Variants in MFHAS1 observed in about 807,000 individuals in gnomAD.
The protein encoded by MFHAS1 is multifunctional ROCO family signaling regulator 1.
Under a neutral mutation model 70.4 loss-of-function variants are expected in MFHAS1, and 50 were observed. The ratio of observed to expected loss-of-function variants is 0.71; its 90% confidence interval spans 0.57 to 0.90. The LOEUF is 0.90. Ranked by LOEUF, MFHAS1 falls within the 40% of genes least tolerant of loss-of-function variation. The pLI, the probability that MFHAS1 is intolerant of heterozygous loss-of-function variation, is 0.00. For synonymous variants in MFHAS1, 952 were observed against 620.0 expected (o/e 1.54, Z -7.96); for missense variants, 1,795 against 1,347.6 (o/e 1.33, Z -5.20).
chr8:8,822,754 T>A (rs189319917), intron 1 of MFHAS1, among the ~76,000 whole-genome samples: 1 of 121,026 alleles, frequency 8.3e-6, no homozygotes, highest in Non-Finnish European at 1.7e-5. Flanking sequence ...GGGAACCAAG[T>A]CAGGGGGACT....
intron 1 of MFHAS1, among the ~76,000 whole-genome samples, chr8:8,873,820 T>C (rs749948623): frequency 6.6e-6 from 1 of 152,222 alleles, no homozygotes; most frequent in Non-Finnish European, 1.5e-5. Flanking sequence ...TTATATTTCA[T>C]TGATTTCTTA....
At position 8,891,328 on chromosome 8, in the gene MFHAS1, G is replaced by T; in HGVS notation, c.1731C>A (p.Asp577Glu). ...GCTCGAAGTCCCGGGCCAGTGCCTC[G>T]TCCACCACCTTGGCCAAGCGGCTCA... ...EGLSRLAKVV[D>E]EALARDFELR... Residue 577 changes from aspartate (D) to glutamate (E), a missense_variant, in exon 1 of 3, where the codon GAC (aspartate) becomes GAA (glutamate). Transcript: ENST00000276282. The surrounding 1 kb of genome is among the most constrained non-coding windows in gnomAD (Gnocchi z 5.4). 6.2e-7 allele frequency: 1 copy of T among 1,611,156 alleles called. No individual in the cohort carries two copies.
At chr8:8,866,848 T>G (rs1210588787) in intron 1 of MFHAS1, among the ~76,000 whole-genome samples, 3 of 152,196 alleles carry the variant, frequency 2.0e-5, no homozygotes, top group Non-Finnish European at 4.4e-5. Flanking sequence ...AATCTGAAAA[T>G]AAAATCGTGA....
At chr8:8,878,375 A>G (rs376187196) in intron 1 of MFHAS1, among the ~76,000 whole-genome samples, 1 of 152,102 alleles carries the variant, frequency 6.6e-6, no homozygotes, top group South Asian at 2.1e-4. Context: ...GACAGTAATA[A>G]TACCTACTTC....
chr8:8,890,830 C>A lies in MFHAS1; in HGVS notation c.2229G>T (p.Arg743Ser). ...LIDILNVFFQRDPSLLLHKLL... is the reference protein window; with the variant it reads ...LIDILNVFFQSDPSLLLHKLL... ...GCTTATGCAGCAGCAAAGAGGGATC[C>A]CTCTGGAAGAAGACATTGAGGATGT... The change falls in exon 1 of 3, where the codon AGG (arginine) becomes AGT (serine). Residue 743 changes from arginine (R) to serine (S), a missense_variant. By Grantham distance (110) the Arg-to-Ser change is moderately radical (BLOSUM62 -1). Transcript: ENST00000276282. 1 of 1,614,240 alleles carries A rather than the reference C, an allele frequency of 6.2e-7. No homozygotes were observed. Among genetic ancestry groups the A allele is most frequent in the East Asian group, 2.2e-5 (1 of 44,882 alleles).
intron 1 of MFHAS1, among the ~76,000 whole-genome samples, chr8:8,865,250 C>A (rs1808812338): frequency 1.5e-5 from 2 of 135,632 alleles, no homozygotes; most frequent in Admixed American, 1.7e-4. Flanking sequence ...GCACTCAACC[C>A]TGGATGACAG....
chr8:8,855,990 C>A (rs546978700), intron 1 of MFHAS1, among the ~76,000 whole-genome samples: 34 of 152,332 alleles, frequency 2.2e-4, no homozygotes, highest in African/African-American at 7.9e-4. Flanking sequence ...AAAAGATGCT[C>A]AGTTATTTCA....
At chr8:8,880,191 CA>C (rs1443922652) in intron 1 of MFHAS1, among the ~76,000 whole-genome samples, 1 of 152,172 alleles carries the variant, frequency 6.6e-6, no homozygotes, top group African/African-American at 2.4e-5. Flanking sequence ...GGCCTAGCCC[CA>C]AAACCCCTAC....
intron 1 of MFHAS1, among the ~76,000 whole-genome samples, chr8:8,861,953 G>A (rs1808680356): frequency 6.6e-6 from 1 of 152,180 alleles, no homozygotes; most frequent in African/African-American, 2.4e-5. Context: ...CACCAGACAA[G>A]TTGTTTCCAG....
At chr8:8,837,495 A>T (rs1807641186) in intron 1 of MFHAS1, among the ~76,000 whole-genome samples, 1 of 152,158 alleles carries the variant, frequency 6.6e-6, no homozygotes, top group Non-Finnish European at 1.5e-5. Context: ...TACAAAAATT[A>T]GCCAAGCGTG....
At chr8:8,813,682 T>G (rs1806633641) in intron 1 of MFHAS1, among the ~76,000 whole-genome samples, 1 of 152,194 alleles carries the variant, frequency 6.6e-6, no homozygotes, top group South Asian at 2.1e-4. Flanking sequence ...AGCTAAGTGT[T>G]ACTGTAAGAA....
At chr8:8,801,133 T>C (rs1305951693) in intron 1 of MFHAS1, among the ~76,000 whole-genome samples, 1 of 151,946 alleles carries the variant, frequency 6.6e-6, no homozygotes, top group Non-Finnish European at 1.5e-5. Flanking sequence ...CAGAATCGCT[T>C]GAACCTGGGA....
At chr8:8,807,948 C>T (rs1238112629) in intron 1 of MFHAS1, among the ~76,000 whole-genome samples, 2 of 152,184 alleles carry the variant, frequency 1.3e-5, no homozygotes, top group African/African-American at 4.8e-5. Flanking sequence ...CCAAAGGTTT[C>T]GGCTACCAGC....
intron 1 of MFHAS1, among the ~76,000 whole-genome samples, chr8:8,849,103 T>TA (rs1361586826): frequency 8.4e-6 from 1 of 118,844 alleles, no homozygotes; most frequent in Non-Finnish European, 1.7e-5. Context: ...TTTGGAGACA[T>TA]AGAGTCTAGC....
At chr8:8,797,521 G>A (rs1487788520) in intron 1 of MFHAS1, 30 bp from the exon 2 acceptor site, 1 of 1,601,294 alleles carries the variant, frequency 6.2e-7, no homozygotes, top group East Asian at 2.2e-5. Context: ...AACGTGTTAG[G>A]GAGATGTGCA....
intron 1 of MFHAS1, among the ~76,000 whole-genome samples, chr8:8,806,774 A>G (rs1806305510): frequency 6.6e-6 from 1 of 152,170 alleles, no homozygotes; most frequent in Non-Finnish European, 1.5e-5. Context: ...CAGCCTAGCC[A>G]ACATGTTGAA....
At chr8:8,796,525 T>C (rs1805900640) in intron 2 of MFHAS1, among the ~76,000 whole-genome samples, 1 of 145,322 alleles carries the variant, frequency 6.9e-6, no homozygotes, top group Non-Finnish European at 1.5e-5. Context: ...CTACTAAAAA[T>C]ACAAAAAAAT....
intron 2 of MFHAS1, among the ~76,000 whole-genome samples, chr8:8,790,715 C>A (rs1297655634): frequency 1.3e-5 from 2 of 152,188 alleles, no homozygotes; most frequent in Non-Finnish European, 2.9e-5. Flanking sequence ...TAATTCATAT[C>A]ACGCCACTGC....
Position 8,787,710 on chromosome 8 carries a change from G to C in MFHAS1, c.3126-1655C>G, listed in dbSNP as rs551258061. Among the ~76,000 whole-genome samples, 30 of 152,316 alleles carry C rather than the reference G, an allele frequency of 2.0e-4. 1 individual carries two copies. The highest frequency in any genetic ancestry group is 7.0e-4 in the African/African-American group (29 of 41,554). On this transcript the variant is annotated intron_variant, in intron 2 of 2. Coordinates refer to ENST00000276282, the MANE Select transcript of MFHAS1 (RefSeq NM_004225.3). Reference sequence around the variant, plus strand: ...CGTCTCAACCTAGCAGCTAACTTTGGTGGTGTGAGTTTTGGGTTCACGTGG... The same window carrying C: ...CGTCTCAACCTAGCAGCTAACTTTGCTGGTGTGAGTTTTGGGTTCACGTGG...
Sources: gnomAD v4.1 joint callset for allele counts (sites outside exome capture counted in the v4.1 genomes callset) on GRCh38, gnomAD v4.1.1 for gene constraint, Gnocchi (gnomAD v3.1) non-coding constraint, MANE v1.5 for transcripts, NCBI Gene and HGNC (gene_info 2026-07-23, HGNC 2026-07-21) for gene names.